The following KCNIP4 variants were observed in gnomAD, a reference collection of about 807,000 sequenced individuals.
The protein encoded by KCNIP4 is potassium voltage-gated channel interacting protein 4.
A neutral mutation model predicts 34.0 loss-of-function variants in KCNIP4; 12 were observed. The observed-to-expected ratio is 0.35, with a 90% CI of 0.23 to 0.57. The LOEUF is 0.57. Among genes scored for constraint, KCNIP4 ranks in the 20% least tolerant of loss-of-function variants. KCNIP4 has a pLI of 0.83. For missense variants in KCNIP4, 238 were observed against 311.7 expected, an observed-to-expected ratio of 0.76 and a Z score of 1.78; for synonymous variants, 124 against 102.2, an observed-to-expected ratio of 1.21 and a Z score of -1.29.
chr4:21,858,300 C>T (rs547051435), intron 1 of KCNIP4, among the ~76,000 whole-genome samples: 9 of 152,296 alleles, frequency 5.9e-5, no homozygotes, highest in South Asian at 2.1e-4. Context: ...AGTTTTGTCA[C>T]GGTCACTTCT....
intron 1 of KCNIP4, among the ~76,000 whole-genome samples, chr4:21,785,253 G>T (rs1276360876): frequency 5.7e-5 from 1 of 17,584 alleles, no homozygotes; most frequent in Non-Finnish European, 2.4e-4. Flanking sequence ...AAAGGTTTGT[G>T]CAGCTATCAC....
At chr4:21,194,918 G>A (rs73109413) in intron 1 of KCNIP4, among the ~76,000 whole-genome samples, 4,326 of 152,142 alleles carry the variant, frequency 0.028, 202 homozygotes, top group African/African-American at 0.099. Flanking sequence ...TTTAACACAC[G>A]TCCTCTGCTT....
intron 5 of KCNIP4, among the ~76,000 whole-genome samples, chr4:20,748,852 T>C (rs1752993509): frequency 6.7e-6 from 1 of 148,794 alleles, no homozygotes; most frequent in South Asian, 2.1e-4. Flanking sequence ...TATTTACCAT[T>C]TGAATCATAT....
chr4:20,969,565 T>C (rs1734721939), intron 1 of KCNIP4, among the ~76,000 whole-genome samples: 1 of 152,056 alleles, frequency 6.6e-6, no homozygotes, highest in Non-Finnish European at 1.5e-5. Flanking sequence ...TTTGTGTGTG[T>C]GTGTGTGTGT....
rs143808527 is a variant in KCNIP4 at position 21,511,867 on chromosome 4, T to C, written c.61+436704A>G. On this transcript the variant is annotated intron_variant, in intron 1 of 8. Coordinates refer to ENST00000382152, the MANE Select transcript of KCNIP4 (RefSeq NM_025221.6). The stretch of plus-strand genomic sequence containing the variant: ...CTTTATCACTACAAAGTGTCCCTAT[T>C]GAGATTCAGAGACAAGACTTAATTT... 4.8e-4 allele frequency among the ~76,000 whole-genome samples: 73 copies of C among 152,234 alleles called. No individual in the cohort carries two copies. In the East Asian group the frequency reaches 8.3e-3, roughly 17 times the overall value.
chr4:21,945,562 CA>C (rs1177595746), intron 1 of KCNIP4, among the ~76,000 whole-genome samples: 4 of 152,220 alleles, frequency 2.6e-5, no homozygotes, highest in Admixed American at 1.3e-4. Context: ...AAATTGAAGA[CA>C]TTTTTTTACT....
chr4:21,606,581 T>A (rs1311991577), intron 1 of KCNIP4, among the ~76,000 whole-genome samples: 1 of 152,024 alleles, frequency 6.6e-6, no homozygotes, highest in Non-Finnish European at 1.5e-5. Flanking sequence ...GTTTTGTTTG[T>A]TTGTTTGTTT....
intron 1 of KCNIP4, among the ~76,000 whole-genome samples, chr4:21,127,413 G>C (rs1750716132): frequency 6.6e-6 from 1 of 152,070 alleles, no homozygotes; most frequent in Admixed American, 6.5e-5. Context: ...TATTCAACCT[G>C]TCTCTCATGA....
At chr4:21,895,694 C>G (rs970501456) in intron 1 of KCNIP4, among the ~76,000 whole-genome samples, 1 of 152,012 alleles carries the variant, frequency 6.6e-6, no homozygotes, top group Non-Finnish European at 1.5e-5. Context: ...GTCTGGATAG[C>G]GAGAACCACA....
intron 4 of KCNIP4, among the ~76,000 whole-genome samples, chr4:20,753,188 A>ATG (rs1262050067): frequency 1.3e-5 from 2 of 152,168 alleles, no homozygotes; most frequent in Non-Finnish European, 2.9e-5. Flanking sequence ...AACAAAGGTA[A>ATG]AAATAGGGAC....
intron 1 of KCNIP4, among the ~76,000 whole-genome samples, chr4:21,634,343 G>A (rs1402600307): frequency 6.6e-6 from 1 of 151,624 alleles, no homozygotes; most frequent in African/African-American, 2.4e-5. Context: ...AGAGTAGATG[G>A]CATGGCTTTT....
intron 1 of KCNIP4, among the ~76,000 whole-genome samples, chr4:21,245,667 G>C (rs1423373636): frequency 6.6e-6 from 1 of 152,128 alleles, no homozygotes; most frequent in African/African-American, 2.4e-5. Flanking sequence ...GTCAGACCAG[G>C]AACTAGGAAT....
intron 1 of KCNIP4, among the ~76,000 whole-genome samples, chr4:21,484,423 G>A (rs542262848): frequency 1.1e-3 from 156 of 145,640 alleles, no homozygotes; most frequent in African/African-American, 3.5e-3. Flanking sequence ...GCGAAACTCC[G>A]TCACAATAAA....
At chr4:21,027,190 G>A (rs138329810) in intron 1 of KCNIP4, among the ~76,000 whole-genome samples, 49 of 152,244 alleles carry the variant, frequency 3.2e-4, no homozygotes, top group African/African-American at 1.2e-3. Context: ...AAATTGAAAG[G>A]TTTAATCGGG....
At chr4:21,675,767 G>A (rs1406541114) in intron 1 of KCNIP4, among the ~76,000 whole-genome samples, 1 of 152,156 alleles carries the variant, frequency 6.6e-6, no homozygotes, top group Non-Finnish European at 1.5e-5. Flanking sequence ...ACTTGAGGAT[G>A]TCCATTGAGG....
At chr4:20,731,241 A>T in intron 8 of KCNIP4, 3 of 285,636 alleles carry the variant, frequency 1.1e-5, no homozygotes, top group Non-Finnish European at 1.6e-5. Context: ...AGCTAACTTA[A>T]TTTTTTTTTG....
intron 1 of KCNIP4, among the ~76,000 whole-genome samples, chr4:20,935,409 G>A (rs936738288): frequency 1.3e-5 from 2 of 152,072 alleles, no homozygotes; most frequent in African/African-American, 4.8e-5. Context: ...TAGAAACATG[G>A]GGATAATCTT....
chr4:20,973,292 T>C (rs937102171), intron 1 of KCNIP4, among the ~76,000 whole-genome samples: 3 of 152,236 alleles, frequency 2.0e-5, no homozygotes, highest in African/African-American at 4.8e-5. Flanking sequence ...TCTTATGTTA[T>C]GGAGATGACT....
chr4:21,427,106 T>G (rs1392742288), intron 1 of KCNIP4, among the ~76,000 whole-genome samples: 1 of 151,978 alleles, frequency 6.6e-6, no homozygotes, highest in African/African-American at 2.4e-5. Flanking sequence ...AATGTTTCAG[T>G]CTACTTAGTA....
Sources: allele counts gnomAD v4.1 joint callset (sites outside exome capture counted in the v4.1 genomes callset), GRCh38; gene constraint gnomAD v4.1.1; transcripts MANE v1.5; gene names NCBI Gene and HGNC (gene_info 2026-07-23, HGNC 2026-07-21).